SLC4A8: variants seen among roughly 807,000 people sequenced by gnomAD.
The protein encoded by SLC4A8 is solute carrier family 4 member 8.
A neutral mutation model predicts 125.0 loss-of-function variants in SLC4A8; 40 were observed. The ratio of observed to expected loss-of-function variants is 0.32; its 90% CI spans 0.25 to 0.42. The LOEUF (loss-of-function observed/expected upper bound fraction) is 0.42. SLC4A8 is among the 10% of genes least tolerant of loss of function. The pLI is 1.00. For synonymous variants in SLC4A8, 456 were observed against 476.0 expected (o/e 0.96, Z 0.55); for missense variants, 863 against 1,355.1 (o/e 0.64, Z 5.70).
chr12:51,474,914 G>C (rs893219938), intron 15 of SLC4A8, 131 bp from the exon 16 acceptor site: 2 of 817,234 alleles, frequency 2.4e-6, no homozygotes, highest in African/African-American at 3.5e-5. Flanking sequence ...CTGCATAAAG[G>C]TCAAGGGGAT....
chr12:51,398,924 A>G (rs1948319071), intron 1 of SLC4A8, among the ~76,000 whole-genome samples: 1 of 151,984 alleles, frequency 6.6e-6, no homozygotes, highest in South Asian at 2.1e-4. Flanking sequence ...TAATTTTTGT[A>G]TTTTTGTAGA....
At chr12:51,490,587 T>TGAGATGG (rs1555198541) in intron 19 of SLC4A8, among the ~76,000 whole-genome samples, 10 of 129,594 alleles carry the variant, frequency 7.7e-5, no homozygotes, top group Non-Finnish European at 1.4e-4. Context: ...AAAAAAAAGA[T>TGAGATGG]GAGGTGGAGC....
At chr12:51,434,025 C>T (rs907431249) in intron 1 of SLC4A8, among the ~76,000 whole-genome samples, 1 of 151,978 alleles carries the variant, frequency 6.6e-6, no homozygotes, top group Non-Finnish European at 1.5e-5. Flanking sequence ...CAAGCCCATA[C>T]CACCACACCC....
intron 18 of SLC4A8, among the ~76,000 whole-genome samples, chr12:51,489,291 A>G (rs1374932304): frequency 1.3e-5 from 2 of 152,146 alleles, no homozygotes; most frequent in East Asian, 3.9e-4. Context: ...AGAGCAGGCA[A>G]GCAATATCCA....
At position 51,424,832 on chromosome 12, in the gene SLC4A8, C is replaced by T; in HGVS notation, c.-156C>T. 2.7e-6 allele frequency: 2 copies of T among 729,368 alleles called. No individual in the cohort carries two copies. 45.2% of individuals were successfully genotyped at this position (729,368 alleles called of 1,614,324 possible). Reference sequence around the variant, plus strand: ...CTGATTGGTTGCGGCGGATGCCTCGCGGGCCGGTGGCTATGGAGGCGGCGG... The same window carrying T: ...CTGATTGGTTGCGGCGGATGCCTCGTGGGCCGGTGGCTATGGAGGCGGCGG... On this transcript the variant is annotated 5_prime_UTR_variant, in exon 1 of 25. Transcript: ENST00000453097.
chr12:51,481,303 C>T (rs1014512396), intron 16 of SLC4A8, among the ~76,000 whole-genome samples: 4 of 152,100 alleles, frequency 2.6e-5, no homozygotes, highest in African/African-American at 9.7e-5. Flanking sequence ...TCTTGAAACT[C>T]ACAACTTTCC....
Position 51,480,484 on chromosome 12 carries a change from G to T in SLC4A8, c.2172+5278G>T, listed in dbSNP as rs1045662618. ...GTTAGGAGTCCTCTGTGTGAGACAT[G>T]GTGGTATAATTGTGAAGTTCTCACT... On this transcript the variant is annotated intron_variant, in intron 16 of 24. Transcript: ENST00000453097. The T allele has an allele frequency of 6.7e-6, 7 of 1,048,356 alleles. No homozygotes were observed. The African/African-American group carries it at 1.2e-4, about 18-fold the overall frequency. 64.9% of individuals were successfully genotyped at this position (1,048,356 alleles called of 1,614,324 possible).
rs1026438786 is a variant in SLC4A8 at position 51,425,289 on chromosome 12, G to A, written c.48+254G>A. On this transcript the variant is annotated intron_variant, in intron 1 of 24. Transcript: ENST00000453097. ...CATCCCTTGCGCCGCCCGCCCAGGA[G>A]CCCTGACAGCCGGCGGGCGGCGACC... 3.0e-5 allele frequency: 39 copies of A among 1,295,972 alleles called. No homozygotes were observed. The South Asian group carries it at 7.3e-4, about 24-fold the overall frequency. The allele number at this position is 1,295,972 out of a possible 1,614,324, so 80.3% of individuals were successfully genotyped here. A position where few individuals can be genotyped will look rare whatever the true frequency, so the allele number is the denominator to read the frequency against.
intron 1 of SLC4A8, among the ~76,000 whole-genome samples, chr12:51,410,194 CAA>C (rs1484530737): frequency 6.6e-6 from 1 of 152,110 alleles, no homozygotes; most frequent in Non-Finnish European, 1.5e-5. Flanking sequence ...GGGAGGAAAA[CAA>C]AGAGTTTTAA....
At chr12:51,506,370 A>G (rs1388990927) in intron 24 of SLC4A8, among the ~76,000 whole-genome samples, 2 of 152,194 alleles carry the variant, frequency 1.3e-5, no homozygotes, top group African/African-American at 4.8e-5. Context: ...AACAACAAGT[A>G]AAGATTTTTG....
intron 2 of SLC4A8, among the ~76,000 whole-genome samples, chr12:51,442,873 AGT>A (rs1229738536): frequency 6.6e-5 from 10 of 152,140 alleles, no homozygotes; most frequent in African/African-American, 2.4e-4. Context: ...TACTCAGGGT[AGT>A]GTTATCTCTT....
At chr12:51,401,468 G>A (rs777938188) in intron 1 of SLC4A8, among the ~76,000 whole-genome samples, 4 of 152,180 alleles carry the variant, frequency 2.6e-5, no homozygotes, top group Non-Finnish European at 5.9e-5. Context: ...ACTGCCCCAG[G>A]CAAACTCTAT....
chr12:51,463,799 A>G (rs1269320306), intron 11 of SLC4A8, 85 bp downstream of exon 11: 6 of 907,572 alleles, frequency 6.6e-6, no homozygotes, highest in East Asian at 5.0e-5. Flanking sequence ...CTTTCAGCCT[A>G]CTTCTCTGTG....
At chr12:51,397,501 C>T (rs1477164725) in intron 1 of SLC4A8, among the ~76,000 whole-genome samples, 1 of 151,994 alleles carries the variant, frequency 6.6e-6, no homozygotes, top group Non-Finnish European at 1.5e-5. Context: ...TTGAAAGAGT[C>T]AGGTGGGATG....
At chr12:51,498,258 A>G (rs6580837) in intron 22 of SLC4A8, among the ~76,000 whole-genome samples, 81,719 of 151,788 alleles carry the variant, frequency 0.54, 22,138 homozygotes, top group African/African-American at 0.57. Context: ...AAGTTGAGAC[A>G]TGTTAATATC....
At chr12:51,470,592 A>G in intron 13 of SLC4A8, 67 bp downstream of exon 13, 2 of 1,429,770 alleles carry the variant, frequency 1.4e-6, no homozygotes, top group Non-Finnish European at 2.0e-6. Flanking sequence ...ATTAAATGTC[A>G]GGGTTCTACT....
At position 51,504,093 on chromosome 12, in the gene SLC4A8, G is replaced by A. The variant is rs2138451010; in HGVS notation, c.3146G>A (p.Ser1049Asn). 1 of 1,584,514 alleles carries A rather than the reference G, an allele frequency of 6.3e-7. No homozygotes were observed. Among genetic ancestry groups the A allele is most frequent in the East Asian group, 2.3e-5 (1 of 44,104 alleles). Residue 1049 changes from serine to asparagine, a missense_variant, in exon 23 of 25, where the codon AGT becomes AAT. Ser to Asn is a conservative substitution (Grantham distance 46). Around this residue, in one of 6 missense-constraint regions of SLC4A8, gnomAD observed 92 missense variants for 125.6 expected, o/e 0.73. Coordinates refer to ENST00000453097, the MANE Select transcript of SLC4A8 (RefSeq NM_001039960.3). The stretch of plus-strand genomic sequence containing the variant: ...CCCTTAGAGAGCAGGAAGTTACTAA[G>A]TAGTCCTGGAAAGAACATCAGTTGC... ...KFPLESRKLL[S>N]SPGKNISCRC...
intron 1 of SLC4A8, among the ~76,000 whole-genome samples, chr12:51,438,234 A>G (rs1264763859): frequency 6.6e-6 from 1 of 151,874 alleles, no homozygotes; most frequent in African/African-American, 2.4e-5. Context: ...TATTCTTCCT[A>G]TATAGTTGTA....
intron 4 of SLC4A8, among the ~76,000 whole-genome samples, chr12:51,452,592 C>T (rs1950003411): frequency 6.6e-6 from 1 of 152,130 alleles, no homozygotes. Flanking sequence ...GACAGGGCCA[C>T]CTTGGTGGGG....
Sources: allele counts gnomAD v4.1 joint callset (sites outside exome capture counted in the v4.1 genomes callset), GRCh38; gene constraint gnomAD v4.1.1; regional missense constraint gnomAD v4.1.1; transcripts MANE v1.5; gene names NCBI Gene and HGNC (gene_info 2026-07-23, HGNC 2026-07-21).